Variants in CAPRIN2 observed in about 807,000 individuals in gnomAD.
The protein encoded by CAPRIN2 is caprin family member 2.
Under a neutral mutation model 130.4 loss-of-function variants are expected in CAPRIN2, and 66 were observed. The ratio of observed to expected loss-of-function variants is 0.51; its 90% CI spans 0.42 to 0.62. The LOEUF (loss-of-function observed/expected upper bound fraction) is 0.62, where lower values mean the gene tolerates loss of function less well. Ranked by LOEUF, CAPRIN2 falls within the 20% of genes least tolerant of loss-of-function variation. The pLI is 0.00. For missense variants in CAPRIN2, 1,185 were observed against 1,246.6 expected (o/e 0.95, Z 0.74); for synonymous variants, 471 against 444.1 (o/e 1.06, Z -0.76).
chr12:30,735,468 G>T (rs556398230), intron 3 of CAPRIN2, among the ~76,000 whole-genome samples: 1 of 152,188 alleles, frequency 6.6e-6, no homozygotes, highest in Non-Finnish European at 1.5e-5. Flanking sequence ...ATATCACCAT[G>T]ATGAGTAGCG....
exon 1 of CAPRIN2, chr12:30,753,611 TGAA>T (rs1475955529): frequency 1.9e-6 from 3 of 1,614,108 alleles, no homozygotes; most frequent in Non-Finnish European, 2.5e-6. Flanking sequence ...CAGATGAGGC[TGAA>T]GGAGGTGGGG....
At chr12:30,717,398 T>C (rs151195734) in intron 12 of CAPRIN2, among the ~76,000 whole-genome samples, 1 of 152,254 alleles carries the variant, frequency 6.6e-6, no homozygotes, top group African/African-American at 2.4e-5. Context: ...CGAAGTAGAA[T>C]AGAGGTTAGC....
chr12:30,710,536 T>C lies in CAPRIN2; in HGVS notation c.2666-66A>G. On this transcript the variant is annotated intron_variant, in intron 16 of 16. Coordinates refer to ENST00000298892, the Ensembl canonical transcript of CAPRIN2. This position sits in a 1 kb window ranked among gnomAD's most constrained non-coding sequence, Gnocchi z 4.8. ...TTAGCTTTGAACACAATATTTAACA[T>C]TAGTCGGCTACTGAAACAGACAAAG... 6.3e-7 allele frequency: 1 copy of C among 1,596,572 alleles called. No homozygotes were observed. The highest frequency in any genetic ancestry group is 8.5e-7 in the Non-Finnish European group (1 of 1,172,476).
chr12:30,735,467 T>C (rs1270209033), intron 3 of CAPRIN2, among the ~76,000 whole-genome samples: 1 of 152,230 alleles, frequency 6.6e-6, no homozygotes, highest in African/African-American at 2.4e-5. Flanking sequence ...AATATCACCA[T>C]GATGAGTAGC....
rs368350732 is a variant in CAPRIN2 at position 30,730,316 on chromosome 12, G to T, written c.1061-34C>A. The T allele has an allele frequency of 8.1e-6, 12 of 1,486,908 alleles. No homozygotes were observed. The African/African-American group carries it at 1.5e-4, about 19-fold the overall frequency. 92.1% of individuals were successfully genotyped at this position (1,486,908 alleles called of 1,614,324 possible). On this transcript the variant is annotated intron_variant, in intron 6 of 16. Transcript: ENST00000298892. ...ATAAAAAGAATCTGAATAAATACTAGGTGAACTGTAAGTTTTTAGACAGAT... is the reference window on the plus strand; with the variant it reads ...ATAAAAAGAATCTGAATAAATACTATGTGAACTGTAAGTTTTTAGACAGAT...
chr12:30,731,236 T>C, intron 6 of CAPRIN2, 107 bp downstream of exon 7: 1 of 769,452 alleles, frequency 1.3e-6, no homozygotes, highest in Non-Finnish European at 2.1e-6. Flanking sequence ...TTTCCATGCA[T>C]GTAGAACCTA....
chr12:30,728,701 G>A (rs778496722), exon 8 of CAPRIN2: 2 of 1,613,994 alleles, frequency 1.2e-6, no homozygotes, highest in South Asian at 1.1e-5. Flanking sequence ...TTTGGTATGA[G>A]GCTTGCTGTA....
chr12:30,720,440 AAGTGCT>A (rs2059054594), intron 12 of CAPRIN2: 1 of 158,484 alleles, frequency 6.3e-6, no homozygotes, highest in Non-Finnish European at 1.4e-5. Context: ...CCAACTCAAT[AAGTGCT>A]AATATTAATA....
At chr12:30,731,061 T>TG (rs2062513969) in intron 6 of CAPRIN2, among the ~76,000 whole-genome samples, 2 of 152,226 alleles carry the variant, frequency 1.3e-5, no homozygotes, top group African/African-American at 4.8e-5. Flanking sequence ...ACTAGTAGTT[T>TG]AACAGAGAAG....
At chr12:30,726,424 AT>A (rs67458150) in intron 8 of CAPRIN2, among the ~76,000 whole-genome samples, 43,324 of 151,532 alleles carry the variant, frequency 0.29, 6,374 homozygotes, top group Non-Finnish European at 0.33. Flanking sequence ...CATACCAATG[AT>A]TTTTTTTTCC....
chr12:30,725,968 G>T, exon 9 of CAPRIN2: 1 of 1,583,902 alleles, frequency 6.3e-7, no homozygotes, highest in Non-Finnish European at 8.6e-7. Context: ...ACTCATACTT[G>T]CATAAAGTTA....
chr12:30,709,583 A>C (rs1433467809), exon 17 of CAPRIN2: 1 of 215,378 alleles, frequency 4.6e-6, no homozygotes, highest in East Asian at 9.7e-5. Flanking sequence ...AGGCACAACA[A>C]GGCATTGTAA....
At chr12:30,752,064 A>AC (rs1370336390) in intron 1 of CAPRIN2, among the ~76,000 whole-genome samples, 3 of 151,054 alleles carry the variant, frequency 2.0e-5, no homozygotes, top group Non-Finnish European at 3.0e-5. Context: ...GATTACAGGC[A>AC]CCCCCCACCA....
chr12:30,734,935 T>C (rs2064077275), intron 4 of CAPRIN2, 33 bp downstream of exon 5: 6 of 1,464,438 alleles, frequency 4.1e-6, no homozygotes, highest in African/African-American at 1.4e-5. Flanking sequence ...GTGTCAAGTG[T>C]TTCATTTCAG....
At chr12:30,720,944 A>G in intron 11 of CAPRIN2, 29 bp from the exon 13 acceptor site, 1 of 1,468,694 alleles carries the variant, frequency 6.8e-7, no homozygotes, top group Non-Finnish European at 9.5e-7. Context: ...AAAATATTGT[A>G]AAAGGCACAT....
At chr12:30,747,722 T>G (rs1382140623) in intron 2 of CAPRIN2, among the ~76,000 whole-genome samples, 1 of 151,716 alleles carries the variant, frequency 6.6e-6, no homozygotes, top group Non-Finnish European at 1.5e-5. Flanking sequence ...AGGCTAGAGC[T>G]GCCATAGATA....
intron 5 of CAPRIN2, among the ~76,000 whole-genome samples, chr12:30,732,451 C>T (rs767246840): frequency 6.6e-6 from 1 of 151,854 alleles, no homozygotes; most frequent in Non-Finnish European, 1.5e-5. Context: ...CCTATCTTAA[C>T]TATACAGTTT....
chr12:30,742,685 C>CAAA (rs35509783), intron 2 of CAPRIN2, among the ~76,000 whole-genome samples: 1 of 142,370 alleles, frequency 7.0e-6, no homozygotes, highest in Non-Finnish European at 1.5e-5. Flanking sequence ...AACAGGGCAG[C>CAAA]AAAAAAAAAA....
intron 3 of CAPRIN2, among the ~76,000 whole-genome samples, chr12:30,736,782 G>A (rs1461648986): frequency 5.9e-5 from 9 of 152,198 alleles, no homozygotes; most frequent in Admixed American, 5.9e-4. Context: ...AGGATTCTCT[G>A]ATCCTGCTTG....
Sources: allele counts gnomAD v4.1 joint callset (sites outside exome capture counted in the v4.1 genomes callset), GRCh38; gene constraint gnomAD v4.1.1; non-coding constraint Gnocchi (gnomAD v3.1); transcripts MANE v1.5; gene names NCBI Gene and HGNC (gene_info 2026-07-23, HGNC 2026-07-21).